ABTB3: variants seen among roughly 807,000 people sequenced by gnomAD.
The protein encoded by ABTB3 is ankyrin repeat- and BTB/POZ domain-containing protein 3.
the ABTB3 span, among the ~76,000 whole-genome samples, chr12:107,510,511 A>T: frequency 3.3e-5 from 5 of 152,128 alleles, no homozygotes; most frequent in Admixed American, 3.3e-4. Context: ...TTAACAGATA[A>T]TATATAATAT....
chr12:107,536,691 C>T, the ABTB3 span, among the ~76,000 whole-genome samples: 1 of 152,056 alleles, frequency 6.6e-6, no homozygotes, highest in African/African-American at 2.4e-5. Context: ...GATATCTCAC[C>T]CCAGTTAGAG....
chr12:107,529,815 A>C, the ABTB3 span, among the ~76,000 whole-genome samples: 5 of 152,190 alleles, frequency 3.3e-5, no homozygotes, highest in African/African-American at 9.6e-5. Context: ...ACCACATGCC[A>C]CACTGCCTCC....
At chr12:107,420,407 A>T in the ABTB3 span, among the ~76,000 whole-genome samples, 1 of 152,220 alleles carries the variant, frequency 6.6e-6, no homozygotes, top group Non-Finnish European at 1.5e-5. Flanking sequence ...GCAAAGGAAG[A>T]GCAAAGGCAT....
At chr12:107,614,977 T>C in the ABTB3 span, 4 of 1,171,772 alleles carry the variant, frequency 3.4e-6, no homozygotes, top group South Asian at 1.3e-5. Context: ...CTCTAGCCCA[T>C]GTGCCCAGCC....
At chr12:107,534,884 T>A in the ABTB3 span, among the ~76,000 whole-genome samples, 1 of 152,154 alleles carries the variant, frequency 6.6e-6, no homozygotes, top group South Asian at 2.1e-4. Context: ...TAACACCAAT[T>A]TTTCTCGAAC....
the ABTB3 span, among the ~76,000 whole-genome samples, chr12:107,623,808 AAAT>A: frequency 6.6e-6 from 1 of 152,236 alleles, no homozygotes; most frequent in East Asian, 1.9e-4. Flanking sequence ...AAAAGCAAGA[AAAT>A]AAATAAACGA....
At chr12:107,428,206 G>T in the ABTB3 span, among the ~76,000 whole-genome samples, 11 of 152,242 alleles carry the variant, frequency 7.2e-5, no homozygotes, top group Non-Finnish European at 1.3e-4. Flanking sequence ...AATAAAAGGA[G>T]TAAGGAGGAC....
chr12:107,600,289 G>C, the ABTB3 span, among the ~76,000 whole-genome samples: 1 of 152,150 alleles, frequency 6.6e-6, no homozygotes, highest in East Asian at 1.9e-4. Context: ...TTTTTCTTCT[G>C]TAAAATGAGC....
chr12:107,510,924 A>G, the ABTB3 span, among the ~76,000 whole-genome samples: 9 of 151,976 alleles, frequency 5.9e-5, no homozygotes, highest in African/African-American at 1.9e-4. Flanking sequence ...ACTGTCTCCA[A>G]AAAAAAAGAA....
At chr12:107,624,545 T>G in the ABTB3 span, among the ~76,000 whole-genome samples, 1 of 152,186 alleles carries the variant, frequency 6.6e-6, no homozygotes, top group African/African-American at 2.4e-5. Flanking sequence ...TTTCTCTAAT[T>G]TTGTCATTTA....
chr12:107,326,093 A>AG, the ABTB3 span, among the ~76,000 whole-genome samples: 10 of 152,138 alleles, frequency 6.6e-5, no homozygotes, highest in South Asian at 1.7e-3. Flanking sequence ...TTAGTAGAGA[A>AG]GGGGTTTCAC....
the ABTB3 span, among the ~76,000 whole-genome samples, chr12:107,554,296 A>T: frequency 1.3e-5 from 2 of 152,182 alleles, no homozygotes; most frequent in Admixed American, 6.5e-5. Context: ...CTTATGGGGT[A>T]CAGTGTGCTA....
the ABTB3 span, among the ~76,000 whole-genome samples, chr12:107,608,356 C>T: frequency 6.6e-6 from 1 of 152,212 alleles, no homozygotes; most frequent in East Asian, 1.9e-4. Context: ...CCAACCATAT[C>T]ACTCCTCTCA....
chr12:107,539,107 C>T, the ABTB3 span, among the ~76,000 whole-genome samples: 1 of 152,182 alleles, frequency 6.6e-6, no homozygotes, highest in Non-Finnish European at 1.5e-5. Flanking sequence ...TAATAATGCT[C>T]ACCTTGTGTG....
the ABTB3 span, among the ~76,000 whole-genome samples, chr12:107,625,524 C>T: frequency 1.3e-5 from 2 of 152,198 alleles, no homozygotes; most frequent in Admixed American, 1.3e-4. Flanking sequence ...GGTTCCCCTA[C>T]TTGGCCTCTG....
At chr12:107,581,657 A>G in the ABTB3 span, among the ~76,000 whole-genome samples, 1 of 152,194 alleles carries the variant, frequency 6.6e-6, no homozygotes, top group Non-Finnish European at 1.5e-5. Flanking sequence ...CAAACCTTAC[A>G]GAGTGAAATT....
the ABTB3 span, among the ~76,000 whole-genome samples, chr12:107,368,346 ACATGGC>A: frequency 6.6e-6 from 1 of 152,250 alleles, no homozygotes; most frequent in African/African-American, 2.4e-5. Flanking sequence ...AAAACAAGTC[ACATGGC>A]CATTCTCCAC....
the ABTB3 span, among the ~76,000 whole-genome samples, chr12:107,352,798 G>T: frequency 6.6e-6 from 1 of 152,128 alleles, no homozygotes; most frequent in Non-Finnish European, 1.5e-5. Flanking sequence ...AAGAGATGGG[G>T]GGTACCTGGG....
chr12:107,618,096 C>G, the ABTB3 span: 13 of 1,532,190 alleles, frequency 8.5e-6, no homozygotes, highest in Non-Finnish European at 1.2e-5. Context: ...CTGCCCCTGC[C>G]CTGCCCCAGC....
Sources: gnomAD v4.1 joint callset for allele counts (sites outside exome capture counted in the v4.1 genomes callset) on GRCh38, gnomAD v4.1.1 for gene constraint, MANE v1.5 for transcripts, NCBI Gene and HGNC (gene_info 2026-07-23, HGNC 2026-07-21) for gene names.